The following B4GALNT3 variants were observed in gnomAD, a reference collection of about 807,000 sequenced individuals.
B4GALNT3 encodes beta-1,4-N-acetylgalactosaminyltransferase 3.
B4GALNT3 carries 86 observed loss-of-function variants against 120.2 expected under a neutral mutation model. That is an observed-to-expected ratio of 0.72 (90% CI 0.60 to 0.86). The LOEUF is 0.86. Among genes scored for constraint, B4GALNT3 ranks in the 40% least tolerant of loss-of-function variants. The pLI, the probability that B4GALNT3 is intolerant of heterozygous loss-of-function variation, is 0.00. For missense variants in B4GALNT3, 1,167 were observed against 1,298.9 expected (o/e 0.90, Z 1.56); for synonymous variants, 518 against 510.4 (o/e 1.01, Z -0.20).
chr12:482,655 G>A (rs1175788258), intron 1 of B4GALNT3, among the ~76,000 whole-genome samples: 1 of 152,152 alleles, frequency 6.6e-6, no homozygotes, highest in African/African-American at 2.4e-5. Context: ...GAGAGATGGG[G>A]ATGTGATTGG....
In B4GALNT3 at chr12:562,903, C is replaced by T. The variant is rs1006794140; in HGVS notation, c.*1452C>T. The T allele has an allele frequency of 2.0e-5, 3 of 152,324 alleles. No homozygotes were observed. The highest frequency in any genetic ancestry group is 4.8e-5 in the African/African-American group (2 of 41,444). The allele number at this position is 152,324 out of a possible 1,614,324, so 9.4% of individuals were successfully genotyped here. A position where few individuals can be genotyped will look rare whatever the true frequency, so the allele number is the denominator to read the frequency against. On this transcript the variant is annotated 3_prime_UTR_variant, in exon 20 of 20. Coordinates refer to ENST00000266383, the MANE Select transcript of B4GALNT3 (RefSeq NM_173593.4). The surrounding 1 kb of genome is among the most constrained non-coding windows in gnomAD (Gnocchi z 5.2). ...CCAGAAGACCAGGCCACTGAGCCCG[C>T]GCTCCAGGCTGTGACGGTCCAAACC...
At chr12:504,713 AAAAC>A (rs913354995) in intron 1 of B4GALNT3, among the ~76,000 whole-genome samples, 9 of 152,086 alleles carry the variant, frequency 5.9e-5, no homozygotes, top group Non-Finnish European at 8.8e-5. Context: ...TTCTGTCAAA[AAAAC>A]AAACAAACAA....
At chr12:530,999 G>A (rs865807819) in intron 1 of B4GALNT3, among the ~76,000 whole-genome samples, 1 of 152,208 alleles carries the variant, frequency 6.6e-6, no homozygotes, top group Non-Finnish European at 1.5e-5. Flanking sequence ...CTGGCAGCTG[G>A]TGCTCTGGGA....
chr12:553,252 T>G lies in B4GALNT3; in HGVS notation c.1329T>G (p.Pro443=). The part of the protein sequence containing the change: ...SQYGEVAEET[P]ASNNQNARML... ...ATGGGGAAGTGGCAGAGGAGACCCC[T>G]GCCTCCAACAACCAGAATGCCAGGA... The change falls in exon 14 of 20, where the codon CCT becomes CCG. Residue 443 remains proline, a synonymous_variant. Coordinates refer to ENST00000266383, the MANE Select transcript of B4GALNT3 (RefSeq NM_173593.4). The G allele has an allele frequency of 1.9e-6, 3 of 1,613,566 alleles. No homozygotes were observed. Among genetic ancestry groups the G allele is most frequent in the Non-Finnish European group, 2.5e-6 (3 of 1,180,028 alleles).
intron 1 of B4GALNT3, among the ~76,000 whole-genome samples, chr12:467,847 T>G (rs958828304): frequency 6.6e-6 from 1 of 152,218 alleles, no homozygotes; most frequent in Non-Finnish European, 1.5e-5. Context: ...CTGGTCTTGG[T>G]CTTAGAAACA....
chr12:513,982 C>T (rs1438161543), intron 1 of B4GALNT3, among the ~76,000 whole-genome samples: 1 of 152,214 alleles, frequency 6.6e-6, no homozygotes, highest in Non-Finnish European at 1.5e-5. Flanking sequence ...TGCATTGTTT[C>T]CGCTTTTTGG....
At chr12:513,445 T>C (rs895317365) in intron 1 of B4GALNT3, among the ~76,000 whole-genome samples, 6 of 152,244 alleles carry the variant, frequency 3.9e-5, no homozygotes, top group African/African-American at 1.4e-4. Flanking sequence ...GTTAACTTCC[T>C]GATGTCGCTG....
chr12:534,764 G>A (rs180806032), intron 1 of B4GALNT3, among the ~76,000 whole-genome samples: 44 of 152,276 alleles, frequency 2.9e-4, no homozygotes, highest in African/African-American at 9.9e-4. Flanking sequence ...GCTGTTCCCC[G>A]GGCTCAGGGC....
chr12:545,741 A>AGTGGGGAGGAGCGAGGT (rs2120697654), intron 6 of B4GALNT3, among the ~76,000 whole-genome samples: 1 of 93,024 alleles, frequency 1.1e-5, no homozygotes, highest in South Asian at 4.7e-4. Flanking sequence ...AGGAGCGAGG[A>AGTGGGGAGGAGCGAGGT]GTGGGGAGGA....
intron 18 of B4GALNT3, 130 bp downstream of exon 18, chr12:558,791 C>T (rs1947190499): frequency 9.9e-7 from 1 of 1,006,710 alleles, no homozygotes; most frequent in Non-Finnish European, 1.4e-6. Flanking sequence ...CCTCCTGTGG[C>T]CTTCACTCCC....
intron 1 of B4GALNT3, among the ~76,000 whole-genome samples, chr12:511,461 A>C (rs1335197397): frequency 5.9e-5 from 3 of 50,686 alleles, no homozygotes; most frequent in African/African-American, 1.1e-4. Flanking sequence ...ACCTTCTTCC[A>C]CCTTCCACCT....
chr12:487,996 G>A (rs1409085897), intron 1 of B4GALNT3, among the ~76,000 whole-genome samples: 1 of 152,064 alleles, frequency 6.6e-6, no homozygotes, highest in East Asian at 1.9e-4. Flanking sequence ...CAGATAGGGG[G>A]AAAACACCTA....
chr12:513,065 C>CCACCTTCCACCTTCCACCTTCTTT (rs1946612761), intron 1 of B4GALNT3, among the ~76,000 whole-genome samples: 1 of 144,252 alleles, frequency 6.9e-6, no homozygotes, highest in Non-Finnish European at 1.5e-5. Context: ...CCACCTTCTT[C>CCACCTTCCACCTTCCACCTTCTTT]CACCTTTGAC....
chr12:514,479 G>A (rs1308477017), intron 1 of B4GALNT3, among the ~76,000 whole-genome samples: 6 of 151,930 alleles, frequency 3.9e-5, no homozygotes, highest in Admixed American at 6.6e-5. Flanking sequence ...TTACAGGCAT[G>A]AGCCACCACG....
At chr12:487,552 A>G (rs1354915974) in intron 1 of B4GALNT3, among the ~76,000 whole-genome samples, 1 of 152,004 alleles carries the variant, frequency 6.6e-6, no homozygotes, top group East Asian at 1.9e-4. Flanking sequence ...GTTTCTACTA[A>G]AAATACAAAA....
At chr12:475,944 TTCC>T (rs1380576674) in intron 1 of B4GALNT3, among the ~76,000 whole-genome samples, 1 of 152,202 alleles carries the variant, frequency 6.6e-6, no homozygotes, top group Non-Finnish European at 1.5e-5. Context: ...GTGCCCGTGT[TTCC>T]TCCGTATGGA....
At chr12:541,221 A>C (rs919600958) in intron 3 of B4GALNT3, among the ~76,000 whole-genome samples, 8 of 152,188 alleles carry the variant, frequency 5.3e-5, no homozygotes, top group African/African-American at 1.9e-4. Flanking sequence ...ACACCCCTGC[A>C]CGATGCCCTC....
intron 3 of B4GALNT3, among the ~76,000 whole-genome samples, chr12:536,698 TTC>T (rs1437474937): frequency 4.6e-5 from 7 of 152,320 alleles, no homozygotes; most frequent in African/African-American, 1.7e-4. Flanking sequence ...TTGATTCAAT[TTC>T]TCTCTTTAGA....
At chr12:511,867 C>CCTT (rs1946573025) in intron 1 of B4GALNT3, among the ~76,000 whole-genome samples, 3 of 39,372 alleles carry the variant, frequency 7.6e-5, no homozygotes, top group African/African-American at 2.5e-4. Flanking sequence ...CCTTCTTCCA[C>CCTT]CTTCCACCTT....
Sources: allele counts gnomAD v4.1 joint callset (sites outside exome capture counted in the v4.1 genomes callset), GRCh38; gene constraint gnomAD v4.1.1; non-coding constraint Gnocchi (gnomAD v3.1); transcripts MANE v1.5; gene names NCBI Gene and HGNC (gene_info 2026-07-23, HGNC 2026-07-21).